Variants in IL1RAPL1 observed in about 807,000 individuals in gnomAD.
The protein encoded by IL1RAPL1 is interleukin 1 receptor accessory protein like 1.
IL1RAPL1 carries 3 observed loss-of-function variants against 48.4 expected under a neutral mutation model. The ratio of observed to expected loss-of-function variants is 0.06; its 90% confidence interval spans 0.03 to 0.16. The LOEUF is 0.16. Among genes scored for constraint, IL1RAPL1 ranks in the 10% least tolerant of loss-of-function variants. IL1RAPL1 has a pLI of 1.00. For synonymous variants in IL1RAPL1, 185 were observed against 187.7 expected, an observed-to-expected ratio of 0.99 and a Z score of 0.12; for missense variants, 349 against 530.6, an observed-to-expected ratio of 0.66 and a Z score of 3.36.
At chrX:29,302,529 T>G (rs1219810480) in intron 3 of IL1RAPL1, among the ~76,000 whole-genome samples, 1 of 112,033 alleles carries the variant, frequency 8.9e-6, no homozygotes, top group East Asian at 2.8e-4. Context: ...ACAGTCATTA[T>G]ATATTCTTCT....
At chrX:28,609,846 C>T (rs1018319702) in intron 1 of IL1RAPL1, among the ~76,000 whole-genome samples, 21 of 111,287 alleles carry the variant, frequency 1.9e-4, no homozygotes, top group African/African-American at 5.5e-4. Flanking sequence ...GATCAGAGAA[C>T]ATATTCCTGT....
intron 4 of IL1RAPL1, 49 bp from the exon 5 acceptor site, chrX:29,399,106 A>C: frequency 9.8e-7 from 1 of 1,016,131 alleles, no homozygotes; most frequent in Non-Finnish European, 1.4e-6. Flanking sequence ...ACTGTTCTAT[A>C]TTTTTCCATT....
chrX:28,835,100 A>C (rs528973267), intron 2 of IL1RAPL1, among the ~76,000 whole-genome samples: 1 of 111,578 alleles, frequency 9.0e-6, no homozygotes, highest in Admixed American at 9.6e-5. Flanking sequence ...TTTGACCTAC[A>C]AAGGGCTTAA....
chrX:29,485,447 C>T (rs1466770162), intron 5 of IL1RAPL1, among the ~76,000 whole-genome samples: 1 of 111,520 alleles, frequency 9.0e-6, no homozygotes, highest in East Asian at 2.8e-4. Context: ...ACTCATACAC[C>T]TCTGCAAGGT....
At chrX:29,044,236 A>G (rs1051084767) in intron 2 of IL1RAPL1, among the ~76,000 whole-genome samples, 1 of 110,648 alleles carries the variant, frequency 9.0e-6, no homozygotes, top group Admixed American at 9.7e-5. Flanking sequence ...GTTCAAAACC[A>G]GCCTGGCCAA....
chrX:29,008,248 C>T (rs1332365099), intron 2 of IL1RAPL1, among the ~76,000 whole-genome samples: 1 of 110,445 alleles, frequency 9.1e-6, no homozygotes, highest in Non-Finnish European at 1.9e-5. Context: ...CGGCTCACTG[C>T]AAGCTCCGCC....
chrX:29,870,778 G>C (rs905795780), intron 6 of IL1RAPL1, among the ~76,000 whole-genome samples: 1 of 111,838 alleles, frequency 8.9e-6, no homozygotes, highest in Non-Finnish European at 1.9e-5. Context: ...CCCATATCTT[G>C]GTATTCCATA....
intron 1 of IL1RAPL1, among the ~76,000 whole-genome samples, chrX:28,775,935 T>C (rs73630083): frequency 0.023 from 2,625 of 112,146 alleles, 74 homozygotes; most frequent in African/African-American, 0.081. Flanking sequence ...TAGTAACTTC[T>C]GTACTCCATC....
At chrX:29,367,552 TTTTATTTATTTATTTATTTA>T (rs35288881) in intron 3 of IL1RAPL1, among the ~76,000 whole-genome samples, 5 of 98,524 alleles carry the variant, frequency 5.1e-5, no homozygotes, top group East Asian at 6.8e-4. Flanking sequence ...TTCTATTTAT[TTTTATTTATTTATTTATTTA>T]TTTATTTATT....
intron 1 of IL1RAPL1, among the ~76,000 whole-genome samples, chrX:28,669,395 G>C (rs1365545090): frequency 9.1e-6 from 1 of 109,902 alleles, no homozygotes; most frequent in African/African-American, 3.3e-5. Context: ...GAGGCGGGTG[G>C]ATCACTTGAT....
intron 5 of IL1RAPL1, among the ~76,000 whole-genome samples, chrX:29,591,089 C>A (rs771478447): frequency 1.8e-5 from 2 of 112,046 alleles, no homozygotes; most frequent in Non-Finnish European, 3.8e-5. Context: ...CAAACAGATA[C>A]TTTTACTTCA....
intron 2 of IL1RAPL1, among the ~76,000 whole-genome samples, chrX:29,106,309 T>C (rs891898200): frequency 9.0e-6 from 1 of 111,345 alleles, no homozygotes; most frequent in African/African-American, 3.3e-5. Context: ...CCTTTCATTC[T>C]CCCTTTCCAT....
At chrX:29,610,065 A>G (rs776064882) in intron 5 of IL1RAPL1, among the ~76,000 whole-genome samples, 1 of 112,242 alleles carries the variant, frequency 8.9e-6, no homozygotes, top group African/African-American at 3.2e-5. Context: ...AACTTGAATG[A>G]CTTCCTATCA....
At chrX:29,861,778 A>C (rs1931590141) in intron 6 of IL1RAPL1, among the ~76,000 whole-genome samples, 1 of 112,208 alleles carries the variant, frequency 8.9e-6, no homozygotes, top group Admixed American at 9.5e-5. Context: ...AAATTTAAAA[A>C]AAAAATTAGT....
chrX:29,232,610 T>TG (rs1237869785), intron 2 of IL1RAPL1, among the ~76,000 whole-genome samples: 1 of 111,342 alleles, frequency 9.0e-6, no homozygotes, highest in Non-Finnish European at 1.9e-5. Context: ...AGCATCCTCC[T>TG]GATTGCCTAA....
At chrX:29,802,807 ATATG>A (rs746213470) in intron 6 of IL1RAPL1, among the ~76,000 whole-genome samples, 1,632 of 54,557 alleles carry the variant, frequency 0.03, 68 homozygotes, top group East Asian at 0.057. Flanking sequence ...ATATATATAT[ATATG>A]TGTGTATATA....
At chrX:29,082,180 G>A (rs1927858130) in intron 2 of IL1RAPL1, among the ~76,000 whole-genome samples, 1 of 111,838 alleles carries the variant, frequency 8.9e-6, no homozygotes, top group South Asian at 3.7e-4. Flanking sequence ...TGTCACAGCC[G>A]TACATGGAAT....
At chrX:29,632,673 G>A (rs1444044193) in intron 5 of IL1RAPL1, among the ~76,000 whole-genome samples, 1 of 112,006 alleles carries the variant, frequency 8.9e-6, no homozygotes, top group African/African-American at 3.2e-5. Context: ...TGTAGGCAAG[G>A]AGGAACCTCA....
intron 6 of IL1RAPL1, among the ~76,000 whole-genome samples, chrX:29,862,366 C>T (rs1281720458): frequency 1.8e-5 from 2 of 111,403 alleles, no homozygotes; most frequent in Non-Finnish European, 3.8e-5. Context: ...GAAAGTCTTT[C>T]ACTTCCTTGG....
Sources: gnomAD v4.1 joint callset for allele counts (sites outside exome capture counted in the v4.1 genomes callset) on GRCh38, gnomAD v4.1.1 for gene constraint, MANE v1.5 for transcripts, NCBI Gene and HGNC (gene_info 2026-07-23, HGNC 2026-07-21) for gene names.